The following DPH6 variants were observed in gnomAD, a reference collection of about 807,000 sequenced individuals.
DPH6 encodes diphthine--ammonia ligase.
A neutral mutation model predicts 38.2 loss-of-function variants in DPH6; 33 were observed. The ratio of observed to expected loss-of-function variants is 0.86; its 90% CI spans 0.65 to 1.15. The LOEUF (loss-of-function observed/expected upper bound fraction) is 1.15. DPH6 is among the 50% of genes most tolerant of loss of function. The pLI is 0.00. For synonymous variants in DPH6, 108 were observed against 103.0 expected, an observed-to-expected ratio of 1.05 and a Z score of -0.30; for missense variants, 325 against 320.0, an observed-to-expected ratio of 1.02 and a Z score of -0.12.
the DPH6 span, among the ~76,000 whole-genome samples, chr15:35,163,096 G>A: frequency 7.9e-5 from 12 of 151,884 alleles, no homozygotes; most frequent in East Asian, 1.9e-4. Flanking sequence ...GGTGAAAGAC[G>A]TTGGTTCTAC....
the DPH6 span, among the ~76,000 whole-genome samples, chr15:35,161,601 T>G: frequency 6.6e-6 from 1 of 151,874 alleles, no homozygotes; most frequent in Non-Finnish European, 1.5e-5. Flanking sequence ...GGGAAGTAAT[T>G]AAGGTTAGAC....
intron 6 of DPH6, among the ~76,000 whole-genome samples, chr15:35,408,535 A>G (rs2053324680): frequency 6.6e-6 from 1 of 151,998 alleles, no homozygotes; most frequent in African/African-American, 2.4e-5. Flanking sequence ...TCATCAGAAT[A>G]CAGCTAATAG....
At chr15:35,248,519 C>T (rs574701295) in intron 3 of DPH6, among the ~76,000 whole-genome samples, 1 of 152,056 alleles carries the variant, frequency 6.6e-6, no homozygotes, top group Non-Finnish European at 1.5e-5. Context: ...ACTATTAGAT[C>T]GTACCATTTT....
intron 6 of DPH6, among the ~76,000 whole-genome samples, chr15:35,403,424 T>G (rs978226886): frequency 1.3e-5 from 2 of 152,144 alleles, no homozygotes; most frequent in Non-Finnish European, 2.9e-5. Context: ...ATTACACTTT[T>G]TTAGTTATTT....
At chr15:35,455,258 GAA>G (rs957218492) in intron 3 of DPH6, among the ~76,000 whole-genome samples, 42 of 151,950 alleles carry the variant, frequency 2.8e-4, no homozygotes, top group African/African-American at 9.9e-4. Context: ...GTAAATCTTA[GAA>G]AAAAAATGAT....
At chr15:35,434,228 C>G (rs987312273) in intron 5 of DPH6, among the ~76,000 whole-genome samples, 7 of 152,110 alleles carry the variant, frequency 4.6e-5, no homozygotes, top group African/African-American at 1.7e-4. Context: ...ACTTATAGGC[C>G]TAGTCTCTTC....
In DPH6 at chr15:35,252,964, A is replaced by T. The variant is rs796127444; in HGVS notation, n.201-32382T>A. 5.9e-5 allele frequency among the ~76,000 whole-genome samples: 9 copies of T among 152,358 alleles called. 1 individual carries two copies. The highest frequency in any genetic ancestry group is 2.2e-4 in the African/African-American group (9 of 41,596). On this transcript the variant is annotated intron_variant and non_coding_transcript_variant, in intron 3 of 3. Transcript: ENST00000560386. ...AATGAGCTTCTATGTGTTTTTAAGG[A>T]CAGCAAGCAGGATGTGAACAGGGTT...
At chr15:35,230,185 C>G (rs1002325124) in intron 3 of DPH6, among the ~76,000 whole-genome samples, 2 of 152,168 alleles carry the variant, frequency 1.3e-5, no homozygotes, top group Non-Finnish European at 2.9e-5. Context: ...ACCTTAGAAG[C>G]CCACCTGGTG....
At chr15:35,367,186 A>G (rs2052668505), downstream of DPH6, among the ~76,000 whole-genome samples, 1 of 151,838 alleles carries the variant, frequency 6.6e-6, no homozygotes, top group Admixed American at 6.6e-5. Context: ...AGTGCTGATT[A>G]TAGGATACAT....
At chr15:35,401,490 C>T (rs1165433369) in intron 6 of DPH6, 1 of 770,884 alleles carries the variant, frequency 1.3e-6, no homozygotes, top group Non-Finnish European at 2.4e-6. Flanking sequence ...AGGGCAGTGG[C>T]TATGGCAGGA....
At chr15:35,284,307 C>T (rs1307617947) in intron 3 of DPH6, among the ~76,000 whole-genome samples, 2 of 152,094 alleles carry the variant, frequency 1.3e-5, no homozygotes, top group African/African-American at 4.8e-5. Context: ...CTAAATCATC[C>T]ATGAGGAATA....
chr15:35,517,564 T>G (rs2054864241), intron 3 of DPH6, among the ~76,000 whole-genome samples: 1 of 152,128 alleles, frequency 6.6e-6, no homozygotes, highest in South Asian at 2.1e-4. Context: ...AATTTGTACC[T>G]TTTCATTTTA....
intron 5 of DPH6, among the ~76,000 whole-genome samples, chr15:35,421,201 C>A (rs536790627): frequency 2.7e-4 from 41 of 152,134 alleles, no homozygotes; most frequent in Non-Finnish European, 5.1e-4. Context: ...TGGCTGAATT[C>A]TACCAAAAAT....
intron 3 of DPH6, among the ~76,000 whole-genome samples, chr15:35,231,494 G>A (rs2051517219): frequency 6.6e-6 from 1 of 152,152 alleles, no homozygotes; most frequent in Non-Finnish European, 1.5e-5. Context: ...CTGATTTTTG[G>A]TTCATACAAA....
intron 3 of DPH6, among the ~76,000 whole-genome samples, chr15:35,332,153 C>G (rs183357246): frequency 2.3e-4 from 35 of 152,214 alleles, no homozygotes; most frequent in African/African-American, 8.4e-4. Flanking sequence ...TTTTTGTATT[C>G]TATTCCTAAA....
chr15:35,282,158 T>A (rs929080361), intron 3 of DPH6, among the ~76,000 whole-genome samples: 16 of 152,148 alleles, frequency 1.1e-4, no homozygotes, highest in African/African-American at 3.6e-4. Context: ...TGATTCAGCT[T>A]CTGCAAATAG....
chr15:35,260,540 AG>A (rs2051739801), intron 3 of DPH6, among the ~76,000 whole-genome samples: 2 of 151,160 alleles, frequency 1.3e-5, no homozygotes, highest in African/African-American at 4.8e-5. Context: ...TAATATTATT[AG>A]ATAATATTAA....
chr15:35,289,146 G>A (rs1329131497), intron 3 of DPH6, among the ~76,000 whole-genome samples: 1 of 152,160 alleles, frequency 6.6e-6, no homozygotes, highest in African/African-American at 2.4e-5. Context: ...GTTTCTGGCT[G>A]CTGGATCACT....
intron 5 of DPH6, among the ~76,000 whole-genome samples, chr15:35,432,296 A>G (rs773294301): frequency 1.3e-5 from 2 of 152,166 alleles, no homozygotes; most frequent in Non-Finnish European, 2.9e-5. Context: ...CACTCCTGAA[A>G]GAGGTGCTAG....
Sources: allele counts gnomAD v4.1 joint callset (sites outside exome capture counted in the v4.1 genomes callset), GRCh38; gene constraint gnomAD v4.1.1; transcripts MANE v1.5; gene names NCBI Gene and HGNC (gene_info 2026-07-23, HGNC 2026-07-21).